RBM25: variants seen among roughly 807,000 people sequenced by gnomAD.
The protein encoded by RBM25 is RNA binding motif protein 25, also known as RNA-binding protein 25.
A neutral mutation model predicts 120.7 loss-of-function variants in RBM25; 19 were observed. The observed-to-expected ratio is 0.16, with a 90% CI of 0.11 to 0.23. The LOEUF (loss-of-function observed/expected upper bound fraction) is 0.23. RBM25 is among the 10% of genes least tolerant of loss of function. RBM25 has a pLI of 1.00. For synonymous variants in RBM25, 390 were observed against 326.7 expected (o/e 1.19, Z -2.09); for missense variants, 605 against 1,041.5 (o/e 0.58, Z 5.77).
intron 18 of RBM25, 94 bp downstream of exon 18, chr14:73,114,427 G>GC: frequency 1.2e-6 from 1 of 857,040 alleles, no homozygotes; most frequent in South Asian, 1.8e-5. Context: ...TCACCACGTT[G>GC]CCCAGGGTAG....
chr14:73,076,848 T>C (rs1266946565), intron 3 of RBM25, among the ~76,000 whole-genome samples: 2 of 152,194 alleles, frequency 1.3e-5, no homozygotes, highest in East Asian at 3.8e-4. Context: ...GTTCAAGACA[T>C]AGGCCAGGAT....
intron 18 of RBM25, among the ~76,000 whole-genome samples, chr14:73,115,021 G>A (rs949689477): frequency 1.3e-5 from 2 of 152,210 alleles, no homozygotes; most frequent in African/African-American, 4.8e-5. Context: ...TAGGTATACA[G>A]GTACTGGAAC....
chr14:73,105,683 C>A (rs1896171091), intron 10 of RBM25, among the ~76,000 whole-genome samples, 176 bp from the exon 11 acceptor site: 1 of 152,098 alleles, frequency 6.6e-6, no homozygotes. Flanking sequence ...TTTGGGACTG[C>A]AATTTATGTC....
At chr14:73,111,295 G>C (rs1035648027) in intron 15 of RBM25, 140 bp downstream of exon 15, 3 of 872,658 alleles carry the variant, frequency 3.4e-6, no homozygotes, top group Non-Finnish European at 5.1e-6. Context: ...TCTAGCTCAC[G>C]ATTGTTTTCA....
At position 73,122,336 on chromosome 14, in the gene RBM25, C is replaced by T. The variant is rs1323850972; in HGVS notation, c.*2531C>T. 6.0e-5 allele frequency: 9 copies of T among 150,220 alleles called. No homozygotes were observed. The highest frequency in any genetic ancestry group is 7.4e-5 in the Non-Finnish European group (5 of 67,748). The allele number at this position is 150,220 out of a possible 1,614,324, so 9.3% of individuals were successfully genotyped here. On this transcript the variant is annotated 3_prime_UTR_variant, in exon 19 of 19. Transcript: ENST00000261973. Reference sequence around the variant, plus strand: ...TGTCGCCCAGGATGGAGTGCAATGGCGCGAGCTCAGCTCACTTCAACTTCC... The same window carrying T: ...TGTCGCCCAGGATGGAGTGCAATGGTGCGAGCTCAGCTCACTTCAACTTCC...
intron 3 of RBM25, 139 bp downstream of exon 3, chr14:73,076,507 T>A: frequency 1.4e-6 from 1 of 737,604 alleles, no homozygotes; most frequent in Non-Finnish European, 2.2e-6. Flanking sequence ...GTAGAGCATA[T>A]CATTTATTTG....
At chr14:73,111,865 A>G in intron 16 of RBM25, 63 bp downstream of exon 16, 1 of 1,485,698 alleles carries the variant, frequency 6.7e-7, no homozygotes, top group Non-Finnish European at 9.0e-7. Flanking sequence ...ATACAAATTC[A>G]TTTGAAGAAA....
intron 4 of RBM25, among the ~76,000 whole-genome samples, chr14:73,079,284 G>A (rs1490410568): frequency 2.7e-5 from 4 of 150,612 alleles, no homozygotes; most frequent in South Asian, 4.2e-4. Context: ...TTAACCAGGC[G>A]TGGTTGTCGG....
chr14:73,110,985 C>A lies in RBM25; in HGVS notation c.1847C>A (p.Thr616Asn). 6.2e-7 allele frequency: 1 copy of A among 1,613,826 alleles called. No individual in the cohort carries two copies. Among genetic ancestry groups the A allele is most frequent in the Non-Finnish European group, 8.5e-7 (1 of 1,179,872 alleles). The part of the protein sequence containing the change: ...EPEQKPCLKP[T>N]LRPISSAPSV... ...GAGCAAAAGCCTTGTCTGAAACCTA[C>A]TCTGAGGCCCATCAGCTCTGCTCCA... is the stretch of plus-strand genomic sequence containing the variant. Residue 616 changes from threonine (T) to asparagine (N), a missense_variant, in exon 15 of 19, where the codon ACT becomes AAT. Coordinates refer to ENST00000261973, the MANE Select transcript of RBM25 (RefSeq NM_021239.3).
chr14:73,088,959 G>A (rs1895748727), intron 6 of RBM25, among the ~76,000 whole-genome samples: 1 of 152,136 alleles, frequency 6.6e-6, no homozygotes, highest in Non-Finnish European at 1.5e-5. Context: ...TGGCCAACGT[G>A]GCGAAACCCT....
chr14:73,099,919 G>A (rs1896025224), intron 9 of RBM25, 169 bp downstream of exon 9: 2 of 1,081,140 alleles, frequency 1.8e-6, no homozygotes, highest in Non-Finnish European at 2.4e-6. Flanking sequence ...CCATATTAAA[G>A]TGGTCCTTGA....
At chr14:73,068,345 G>T in intron 1 of RBM25, 1 of 722,762 alleles carries the variant, frequency 1.4e-6, no homozygotes, top group Non-Finnish European at 2.5e-6. Context: ...TTTTCGTCTT[G>T]GCAGTGAGCA....
chr14:73,095,590 G>C (rs1367650395), intron 6 of RBM25, among the ~76,000 whole-genome samples: 4 of 149,026 alleles, frequency 2.7e-5, no homozygotes, highest in African/African-American at 9.9e-5. Context: ...CTGGGCAACA[G>C]AGCAAGACTC....
intron 4 of RBM25, 71 bp from the exon 5 acceptor site, chr14:73,083,423 T>C (rs1374071903): frequency 1.7e-6 from 2 of 1,195,290 alleles, no homozygotes; most frequent in African/African-American, 3.2e-5. Flanking sequence ...GAAATATAAT[T>C]TTGCTTTTAG....
intron 5 of RBM25, among the ~76,000 whole-genome samples, chr14:73,086,934 A>G (rs527662138): frequency 1.1e-3 from 169 of 152,226 alleles, no homozygotes; most frequent in Non-Finnish European, 2.2e-3. Context: ...GGAACTCCTG[A>G]TCTCAGGTGA....
chr14:73,115,149 G>A (rs1340676871), intron 18 of RBM25, among the ~76,000 whole-genome samples: 1 of 121,892 alleles, frequency 8.2e-6, no homozygotes, highest in Non-Finnish European at 1.6e-5. Context: ...TACAGGAACT[G>A]ATACGTGTGT....
intron 2 of RBM25, among the ~76,000 whole-genome samples, chr14:73,075,753 C>A (rs1011694104): frequency 6.6e-6 from 1 of 151,034 alleles, no homozygotes; most frequent in African/African-American, 2.4e-5. Context: ...GAATATAGTA[C>A]ACTTACTAAC....
chr14:73,116,166 C>T (rs994994698), intron 18 of RBM25, among the ~76,000 whole-genome samples: 1 of 151,956 alleles, frequency 6.6e-6, no homozygotes, highest in African/African-American at 2.4e-5. Flanking sequence ...TGAGAAGTGC[C>T]GGGGCTCTAG....
intron 5 of RBM25, among the ~76,000 whole-genome samples, chr14:73,083,940 C>G (rs1171946325): frequency 4.0e-5 from 6 of 151,614 alleles, no homozygotes. Context: ...CTCTGTCACC[C>G]AGGCTGGAGT....
Sources: gnomAD v4.1 joint callset for allele counts (sites outside exome capture counted in the v4.1 genomes callset) on GRCh38, gnomAD v4.1.1 for gene constraint, MANE v1.5 for transcripts, NCBI Gene and HGNC (gene_info 2026-07-23, HGNC 2026-07-21) for gene names.